Variants in MYCBP2 observed in about 807,000 individuals in gnomAD.
MYCBP2 encodes the protein MYC binding protein 2, also known as E3 ubiquitin-protein ligase MYCBP2.
In MYCBP2, 120 loss-of-function variants were observed where a neutral mutation model predicts 525.3. The ratio of observed to expected loss-of-function variants is 0.23; its 90% confidence interval spans 0.20 to 0.27. The LOEUF is 0.27. Among genes scored for constraint, MYCBP2 ranks in the 10% least tolerant of loss-of-function variants. The probability of loss-of-function intolerance (pLI) is 1.00; values close to 1 mark genes in which losing one functional copy is unlikely to be tolerated. For missense variants in MYCBP2, 4,149 were observed against 5,657.1 expected (o/e 0.73, Z 8.55); for synonymous variants, 1,894 against 1,955.8 (o/e 0.97, Z 0.83).
chr13:77,176,631 A>T lies in MYCBP2; in HGVS notation c.5341-3T>A, dbSNP rs766133904. The T allele has an allele frequency of 8.6e-5, 44 of 509,622 alleles. No individual in the cohort carries two copies. In the East Asian group the frequency reaches 2.8e-3, roughly 32 times the overall value. The allele number at this position is 509,622 out of a possible 1,614,324, so 31.6% of individuals were successfully genotyped here. A position where few individuals can be genotyped will look rare whatever the true frequency, so the allele number is the denominator to read the frequency against. ...GTTGAATCTCCTGCATGTTCACTCT[A>T]AAAAAAAAAAATGAAACACAAAAAT... On this transcript the variant is annotated splice_region_variant and splice_polypyrimidine_tract_variant and intron_variant, in intron 35 of 82. Transcript: ENST00000544440.
At chr13:77,138,008 G>C (rs1199095871) in intron 52 of MYCBP2, among the ~76,000 whole-genome samples, 1 of 152,184 alleles carries the variant, frequency 6.6e-6, no homozygotes, top group Non-Finnish European at 1.5e-5. Flanking sequence ...TTCATAGAGG[G>C]TCAAAATCCT....
chr13:77,274,061 GTAA>G (rs1158740807), intron 4 of MYCBP2, among the ~76,000 whole-genome samples: 1 of 152,088 alleles, frequency 6.6e-6, no homozygotes, highest in Non-Finnish European at 1.5e-5. Context: ...TATTTTCAAA[GTAA>G]TAGAAACATA....
At chr13:77,220,429 A>C (rs2154291736) in intron 20 of MYCBP2, among the ~76,000 whole-genome samples, 1 of 152,262 alleles carries the variant, frequency 6.6e-6, no homozygotes, top group Non-Finnish European at 1.5e-5. Context: ...TGACAGAATC[A>C]GGACCCAACC....
At chr13:77,146,096 G>A (rs758108533) in intron 48 of MYCBP2, 66 bp downstream of exon 48, 100 of 1,018,488 alleles carry the variant, frequency 9.8e-5, no homozygotes, top group Admixed American at 2.0e-4. Flanking sequence ...TGAAATGCAG[G>A]ATGATTTTAG....
rs2043579915 is a variant in MYCBP2 at position 77,083,019 on chromosome 13, ATACCAAAAT to A, written c.11036+4_11036+12del. On this transcript the variant is annotated splice_donor_5th_base_variant and intron_variant, in intron 63 of 82. Transcript: ENST00000544440. ...TGTCCAATGTACCTAGGATATGTGGATACCAAAATTACCTCAGGGCCATTTGCTGTAATG... is the reference window on the plus strand; with the variant it reads ...TGTCCAATGTACCTAGGATATGTGGATACCTCAGGGCCATTTGCTGTAATG... 1.2e-6 allele frequency: 2 copies of A among 1,609,218 alleles called. No homozygotes were observed. Among genetic ancestry groups the A allele is most frequent in the African/African-American group, 1.3e-5 (1 of 74,830 alleles).
At chr13:77,323,782 G>A (rs1479045060) in intron 1 of MYCBP2, among the ~76,000 whole-genome samples, 1 of 152,084 alleles carries the variant, frequency 6.6e-6, no homozygotes, top group Non-Finnish European at 1.5e-5. Flanking sequence ...TTATCAAAAC[G>A]AATAGGATAT....
chr13:77,134,189 A>C (rs2053367159), intron 52 of MYCBP2, among the ~76,000 whole-genome samples: 2 of 152,138 alleles, frequency 1.3e-5, no homozygotes, highest in Admixed American at 1.3e-4. Context: ...TAAATTAGAC[A>C]ACAAAACAAA....
chr13:77,194,559 A>G (rs1334193802), intron 26 of MYCBP2, among the ~76,000 whole-genome samples: 1 of 152,188 alleles, frequency 6.6e-6, no homozygotes, highest in Non-Finnish European at 1.5e-5. Context: ...GAGAACTCCA[A>G]CAAAAAATTT....
chr13:77,266,714 T>C (rs1216665132), intron 8 of MYCBP2, among the ~76,000 whole-genome samples: 2 of 139,194 alleles, frequency 1.4e-5, no homozygotes, highest in Non-Finnish European at 3.0e-5. Flanking sequence ...TTATTATTAT[T>C]ATGACCAAAG....
Position 77,326,381 on chromosome 13 carries a change from A to ACACG in MYCBP2, c.302+89_302+92dup, listed in dbSNP as rs1205304127. The ACACG allele has an allele frequency of 5.5e-6, 7 of 1,263,804 alleles. No individual in the cohort carries two copies. The highest frequency in any genetic ancestry group is 7.4e-6 in the Non-Finnish European group (7 of 942,704). The allele number at this position is 1,263,804 out of a possible 1,614,324, so 78.3% of individuals were successfully genotyped here. On this transcript the variant is annotated intron_variant, in intron 1 of 82. Coordinates refer to ENST00000544440, the MANE Select transcript of MYCBP2 (RefSeq NM_015057.5). The surrounding 1 kb of genome is among the most constrained non-coding windows in gnomAD (Gnocchi z 4.2). ...AAGCTCAATAAATGCGCAGGTACAC[A>ACACG]CACGCAAGCACACACACACGCGGGT...
At chr13:77,302,372 T>TG (rs1188074457) in intron 1 of MYCBP2, among the ~76,000 whole-genome samples, 4 of 3,530 alleles carry the variant, frequency 1.1e-3, no homozygotes, top group South Asian at 8.6e-3. Context: ...TGAAAAGGGC[T>TG]GGGGGGTGGG....
chr13:77,274,717 T>C (rs915998975), intron 4 of MYCBP2, among the ~76,000 whole-genome samples: 1 of 152,202 alleles, frequency 6.6e-6, no homozygotes, highest in African/African-American at 2.4e-5. Flanking sequence ...CATGCTATCA[T>C]CATCTCTTTG....
In MYCBP2 at chr13:77,164,432, A is replaced by T. The variant is rs9318467; in HGVS notation, c.6547+22T>A. 5.4e-3 allele frequency: 8,177 copies of T among 1,513,738 alleles called. 361 individuals are homozygous for T. The African/African-American group carries it at 0.094, about 17-fold the overall frequency. The allele number at this position is 1,513,738 out of a possible 1,614,324, so 93.8% of individuals were successfully genotyped here. A position where few individuals can be genotyped will look rare whatever the true frequency, so the allele number is the denominator to read the frequency against. ...ACAAAACAAAACCCTATCAAAAAAC[A>T]TCCAGTATTGGCCACACTTACCAAT... On this transcript the variant is annotated intron_variant, in intron 43 of 82. Transcript: ENST00000544440.
chr13:77,262,037 A>G lies in MYCBP2; in HGVS notation c.1647+16T>C. 1 of 1,602,296 alleles carries G rather than the reference A, an allele frequency of 6.2e-7. No homozygotes were observed. Among genetic ancestry groups the G allele is most frequent in the Non-Finnish European group, 8.5e-7 (1 of 1,171,812 alleles). On this transcript the variant is annotated intron_variant, in intron 11 of 82. Coordinates refer to ENST00000544440, the MANE Select transcript of MYCBP2 (RefSeq NM_015057.5). ...ATCAGAGAATGCTCATTTTTAATCC[A>G]AAGAGAATAATTTACCTTTCCATTT...
At chr13:77,176,413 A>G in intron 36 of MYCBP2, 84 bp downstream of exon 36, 7 of 1,276,388 alleles carry the variant, frequency 5.5e-6, no homozygotes, top group Non-Finnish European at 7.3e-6. Context: ...ATAGGTAACA[A>G]ACAAAATTCA....
rs755579517 is a variant in MYCBP2 at position 77,055,636 on chromosome 13, A to G, written c.13569T>C (p.Pro4523=). ...CTGGGTCATTATAAAACCTCACACC[A>G]GGAGTTGTGATAGCTTCACTCTTAT... ...GLHKSEAITT[P]GVRFYNDPAG... The change falls in exon 80 of 83, where the codon CCT becomes CCC. Residue 4523 remains proline, a synonymous_variant. Coordinates refer to ENST00000544440, the MANE Select transcript of MYCBP2 (RefSeq NM_015057.5). 6.2e-7 allele frequency: 1 copy of G among 1,614,068 alleles called. No individual in the cohort carries two copies. The highest frequency in any genetic ancestry group is 8.5e-7 in the Non-Finnish European group (1 of 1,179,956).
At chr13:77,160,934 G>T (rs1281267318) in intron 44 of MYCBP2, among the ~76,000 whole-genome samples, 2 of 152,114 alleles carry the variant, frequency 1.3e-5, no homozygotes, top group African/African-American at 2.4e-5. Flanking sequence ...TACTTAATAA[G>T]TTCTCAGGAA....
intron 26 of MYCBP2, among the ~76,000 whole-genome samples, chr13:77,204,104 C>T (rs960884012): frequency 6.7e-5 from 10 of 149,878 alleles, no homozygotes; most frequent in Non-Finnish European, 1.2e-4. Context: ...TCAGAGTGAA[C>T]AGGCAACCTA....
chr13:77,067,332 GT>G (rs1157907789), intron 71 of MYCBP2, among the ~76,000 whole-genome samples: 4 of 152,014 alleles, frequency 2.6e-5, no homozygotes, highest in African/African-American at 7.3e-5. Context: ...TGAGAGGTAG[GT>G]ATCTAGAATT....
Sources: allele counts gnomAD v4.1 joint callset (sites outside exome capture counted in the v4.1 genomes callset), GRCh38; gene constraint gnomAD v4.1.1; non-coding constraint Gnocchi (gnomAD v3.1); transcripts MANE v1.5; gene names NCBI Gene and HGNC (gene_info 2026-07-23, HGNC 2026-07-21).